The following RPS6KA2 variants were observed in gnomAD, a reference collection of about 807,000 sequenced individuals.
The protein encoded by RPS6KA2 is ribosomal protein S6 kinase alpha-2.
Under a neutral mutation model 91.8 loss-of-function variants are expected in RPS6KA2, and 42 were observed. The observed-to-expected ratio is 0.46, with a 90% CI of 0.36 to 0.59. RPS6KA2 has a LOEUF of 0.59. RPS6KA2 is among the 20% of genes least tolerant of loss of function. The pLI is 0.00. For missense variants in RPS6KA2, 798 were observed against 978.5 expected, an observed-to-expected ratio of 0.82 and a Z score of 2.46; for synonymous variants, 414 against 393.6, an observed-to-expected ratio of 1.05 and a Z score of -0.61.
chr6:166,763,306 G>C (rs527444), intron 2 of RPS6KA2, among the ~76,000 whole-genome samples: 30,199 of 152,198 alleles, frequency 0.2, 4,457 homozygotes, highest in African/African-American at 0.41. Flanking sequence ...TAAACTGCAA[G>C]AGTAAATTAT....
chr6:166,571,786 G>A (rs567461522), intron 1 of RPS6KA2, among the ~76,000 whole-genome samples: 4 of 152,174 alleles, frequency 2.6e-5, no homozygotes, highest in South Asian at 2.1e-4. Context: ...CAGTGTGAGC[G>A]CAGCTTGAAC....
chr6:166,783,852 CAT>C (rs1177486160), intron 2 of RPS6KA2, among the ~76,000 whole-genome samples: 1 of 80,566 alleles, frequency 1.2e-5, no homozygotes, highest in Non-Finnish European at 2.5e-5. Context: ...ATCTATACCA[CAT>C]ATGCACACGT....
chr6:166,803,558 G>A (rs567607024), intron 2 of RPS6KA2, among the ~76,000 whole-genome samples: 3 of 152,178 alleles, frequency 2.0e-5, no homozygotes, highest in African/African-American at 4.8e-5. Flanking sequence ...GAGTCTAAAC[G>A]GCAGGCAGCG....
intron 2 of RPS6KA2, among the ~76,000 whole-genome samples, chr6:166,830,138 A>AAAAAGAAAG (rs1554261427): frequency 1.5e-5 from 2 of 129,042 alleles, no homozygotes; most frequent in African/African-American, 2.9e-5. Context: ...AAAAAAAAAA[A>AAAAAGAAAG]AAAGAAAGAA....
At chr6:166,812,490 G>A (rs1402595358) in intron 2 of RPS6KA2, among the ~76,000 whole-genome samples, 1 of 152,182 alleles carries the variant, frequency 6.6e-6, no homozygotes, top group Non-Finnish European at 1.5e-5. Context: ...CCTTCCCAGG[G>A]GCTGAGTGTG....
At chr6:166,444,251 C>T (rs1779607918) in intron 14 of RPS6KA2, among the ~76,000 whole-genome samples, 2 of 152,152 alleles carry the variant, frequency 1.3e-5, no homozygotes, top group Admixed American at 1.3e-4. Flanking sequence ...TCACGATTAC[C>T]TCCAACACTT....
At chr6:166,547,579 G>T (rs190106702) in intron 1 of RPS6KA2, among the ~76,000 whole-genome samples, 1 of 152,358 alleles carries the variant, frequency 6.6e-6, no homozygotes, top group Non-Finnish European at 1.5e-5. Flanking sequence ...TTAGCAAATG[G>T]AGAGGATGTG....
intron 19 of RPS6KA2, among the ~76,000 whole-genome samples, chr6:166,415,066 A>G (rs1778451597): frequency 6.6e-6 from 1 of 152,154 alleles, no homozygotes; most frequent in East Asian, 1.9e-4. Context: ...GTCCATCTCA[A>G]ACAAACAAAC....
intron 1 of RPS6KA2, among the ~76,000 whole-genome samples, chr6:166,550,374 A>C (rs1434428132): frequency 6.6e-6 from 1 of 152,244 alleles, no homozygotes; most frequent in African/African-American, 2.4e-5. Flanking sequence ...GCAAGGGAAA[A>C]AAAAATGGAA....
intron 17 of RPS6KA2, among the ~76,000 whole-genome samples, chr6:166,422,921 G>A (rs745308970): frequency 1.3e-5 from 2 of 152,178 alleles, no homozygotes; most frequent in African/African-American, 2.4e-5. Context: ...TCTGCGTCCT[G>A]GTTGTATAAG....
chr6:166,651,023 G>A (rs1231155934), intron 2 of RPS6KA2, among the ~76,000 whole-genome samples: 5 of 152,162 alleles, frequency 3.3e-5, no homozygotes, highest in Non-Finnish European at 7.3e-5. Flanking sequence ...GACCTGCCCC[G>A]TGATGTGGTT....
chr6:166,446,189 C>T (rs1391989723), intron 14 of RPS6KA2, among the ~76,000 whole-genome samples: 6 of 152,212 alleles, frequency 3.9e-5, no homozygotes, highest in Admixed American at 6.5e-5. Context: ...TCCAAACAAC[C>T]GTGTCTACCT....
chr6:166,812,905 A>G lies in RPS6KA2; in HGVS notation c.123+45295T>C, dbSNP rs541444290. Among the ~76,000 whole-genome samples, 3 of 152,310 alleles carry G rather than the reference A, an allele frequency of 2.0e-5. 1 individual carries two copies. The South Asian group carries it at 6.2e-4, about 32-fold the overall frequency. On this transcript the variant is annotated intron_variant, in intron 2 of 21. Coordinates refer to the RPS6KA2 transcript ENST00000503859. Reference sequence around the variant, plus strand: ...CTAAATAGCACCAAGACAGTTTTCTATAGAAATCGGGAAACTCTCCAGCTC... The same window carrying G: ...CTAAATAGCACCAAGACAGTTTTCTGTAGAAATCGGGAAACTCTCCAGCTC...
Position 166,635,848 on chromosome 6 carries a change from G to A in RPS6KA2, c.124-97064C>T, listed in dbSNP as rs1787220456. ...CAGGAGGGTGACCTGGGTGTGTCCG[G>A]TAAAGGGTGTCTTAAGTCTGACCCT... is the stretch of plus-strand genomic sequence containing the variant. On this transcript the variant is annotated intron_variant, in intron 2 of 21. Transcript: ENST00000503859. The surrounding 1 kb of genome is among the most constrained non-coding windows in gnomAD (Gnocchi z 4.8). 6.6e-6 allele frequency among the ~76,000 whole-genome samples: 1 copy of A among 152,062 alleles called. No individual in the cohort carries two copies. The highest frequency in any genetic ancestry group is 1.5e-5 in the Non-Finnish European group (1 of 68,000).
intron 2 of RPS6KA2, among the ~76,000 whole-genome samples, chr6:166,750,682 G>A (rs761596152): frequency 2.4e-4 from 37 of 152,262 alleles, no homozygotes; most frequent in Non-Finnish European, 4.4e-4. Context: ...TGCCAGGCAC[G>A]CAGCACAGAT....
intron 2 of RPS6KA2, among the ~76,000 whole-genome samples, chr6:166,675,775 G>A (rs948024158): frequency 6.6e-6 from 1 of 152,148 alleles, no homozygotes; most frequent in Non-Finnish European, 1.5e-5. Context: ...TTTAAATCGG[G>A]AGGAATGCTT....
intron 2 of RPS6KA2, among the ~76,000 whole-genome samples, chr6:166,819,228 G>C (rs1779843399): frequency 1.3e-5 from 2 of 151,888 alleles, no homozygotes; most frequent in African/African-American, 2.4e-5. Flanking sequence ...TCTATGTGTT[G>C]GTTTTTTGTT....
In RPS6KA2 at chr6:166,430,519, C is replaced by T. The variant is rs140163975; in HGVS notation, c.1515G>A (p.Ser505=). 6.9e-5 allele frequency: 111 copies of T among 1,613,986 alleles called. No individual in the cohort carries two copies. The African/African-American group carries it at 1.1e-3, about 16-fold the overall frequency. ...LDRILRQRYF[S]EREASDVLCT... ...ACAGGACGTCACTGGCTTCGCGCTC[C>T]GAGAAGTATCTCTGCCGGAGGATGC... Residue 505 remains serine (S), a synonymous_variant, in exon 16 of 21, where the codon TCG becomes TCA. Coordinates refer to ENST00000265678, the MANE Select transcript of RPS6KA2 (RefSeq NM_021135.6).
At chr6:166,656,117 G>C (rs796145199) in intron 2 of RPS6KA2, among the ~76,000 whole-genome samples, 1 of 152,178 alleles carries the variant, frequency 6.6e-6, no homozygotes, top group Non-Finnish European at 1.5e-5. Context: ...AGAGAGACAC[G>C]GTGGAAGCTC....
Sources: allele counts gnomAD v4.1 joint callset (sites outside exome capture counted in the v4.1 genomes callset), GRCh38; gene constraint gnomAD v4.1.1; non-coding constraint Gnocchi (gnomAD v3.1); transcripts MANE v1.5; gene names NCBI Gene and HGNC (gene_info 2026-07-23, HGNC 2026-07-21).